TNFRSF12A: variants seen among roughly 807,000 people sequenced by gnomAD.
TNFRSF12A encodes the protein tumor necrosis factor receptor superfamily member 12A.
Under a neutral mutation model 15.5 loss-of-function variants are expected in TNFRSF12A, and 13 were observed. The ratio of observed to expected loss-of-function variants is 0.84; its 90% CI spans 0.54 to 1.33. The LOEUF is 1.33. Among genes scored for constraint, TNFRSF12A ranks in the 40% most tolerant of loss-of-function variants. The probability of loss-of-function intolerance (pLI) is 0.00; values close to 1 mark genes in which losing one functional copy is unlikely to be tolerated. For missense variants in TNFRSF12A, 174 were observed against 173.6 expected, an observed-to-expected ratio of 1.00 and a Z score of -0.01; for synonymous variants, 89 against 78.4, an observed-to-expected ratio of 1.14 and a Z score of -0.71.
intron 1 of TNFRSF12A, 119 bp from the exon 2 acceptor site, chr16:3,021,096 T>G: frequency 1.8e-6 from 1 of 571,290 alleles, no homozygotes; most frequent in South Asian, 2.3e-5. Flanking sequence ...CGGTCACCTG[T>G]GAGGAATGCG....
In TNFRSF12A at chr16:3,022,175, CCACT is replaced by C. The variant is rs2072620370; in HGVS notation, c.*356_*359del. ...TGGGGGGCAGACTTGACACTAGGCC[CCACT>C]CACTCAGATGTCCTGAAATTCCACC... On this transcript the variant is annotated 3_prime_UTR_variant, in exon 4 of 4. Coordinates refer to ENST00000326577, the MANE Select transcript of TNFRSF12A (RefSeq NM_016639.3). 4.7e-6 allele frequency: 2 copies of C among 423,136 alleles called. No homozygotes were observed. The highest frequency in any genetic ancestry group is 4.2e-6 in the Non-Finnish European group (1 of 240,402). The allele number at this position is 423,136 out of a possible 1,614,324, so 26.2% of individuals were successfully genotyped here.
Position 3,020,430 on chromosome 16 carries a change from G to T in TNFRSF12A, c.33G>T (p.Arg11=). The change falls in exon 1 of 4, where the codon CGG becomes CGT. Residue 11 remains arginine (R), a synonymous_variant. Transcript: ENST00000326577. The part of the protein sequence containing the change: MARGSLRRLL[R]LLVLGLWLAL... ...GGGGCTCGCTGCGCCGGTTGCTGCG[G>T]CTCCTCGTGCTGGGGCTCTGGCTGG... 7.7e-7 allele frequency: 1 copy of T among 1,293,182 alleles called. No homozygotes were observed. Among genetic ancestry groups the T allele is most frequent in the Non-Finnish European group, 9.8e-7 (1 of 1,019,718 alleles). 80.1% of individuals were successfully genotyped at this position (1,293,182 alleles called of 1,614,324 possible).
Position 3,021,276 on chromosome 16 carries a change from C to A in TNFRSF12A, c.156C>A (p.Cys52Ter). ...CGGACCTGGACAAGTGCATGGACTG[C>A]GCGTCTTGCAGGGCGCGACCGCACA... ...WSADLDKCMD[C>*]ASCRARPHSD... The change falls in exon 2 of 4, where the codon TGC becomes TGA. Residue 52 changes from cysteine to a stop codon, truncating the protein, a stop_gained. Coordinates refer to ENST00000326577, the MANE Select transcript of TNFRSF12A (RefSeq NM_016639.3). LOFTEE classifies it high-confidence loss of function. 1 of 1,591,524 alleles carries A rather than the reference C, an allele frequency of 6.3e-7. No homozygotes were observed. Among genetic ancestry groups the A allele is most frequent in the Non-Finnish European group, 8.5e-7 (1 of 1,173,996 alleles).
rs944090677 is a variant in TNFRSF12A, at chr16:3,020,374, A to C, written c.-24A>C. 3.1e-6 allele frequency: 4 copies of C among 1,270,202 alleles called. No individual in the cohort carries two copies. Among genetic ancestry groups the C allele is most frequent in the Non-Finnish European group, 3.0e-6 (3 of 1,006,768 alleles). The allele number at this position is 1,270,202 out of a possible 1,614,324, so 78.7% of individuals were successfully genotyped here. A position where few individuals can be genotyped will look rare whatever the true frequency, so the allele number is the denominator to read the frequency against. ...CTGCCGGCCGGCGGCGGGCGCAGACAGCGGCGGGCGCAGGACGTGCACTAT... is the reference window on the plus strand; with the variant it reads ...CTGCCGGCCGGCGGCGGGCGCAGACCGCGGCGGGCGCAGGACGTGCACTAT... On this transcript the variant is annotated 5_prime_UTR_variant, in exon 1 of 4. Transcript: ENST00000326577.
intron 1 of TNFRSF12A, chr16:3,020,951 CTG>C: frequency 2.1e-6 from 1 of 477,886 alleles, no homozygotes; most frequent in Non-Finnish European, 3.7e-6. Context: ...GGGGGAGGGA[CTG>C]GGGTCGGGCC....
chr16:3,020,779 T>G, intron 1 of TNFRSF12A: 1 of 399,650 alleles, frequency 2.5e-6, no homozygotes. Flanking sequence ...GGCGGGATGT[T>G]TAGTCTAGGA....
In TNFRSF12A at chr16:3,022,164, G is replaced by C; in HGVS notation, c.*338G>C. ...CCAGGCTGACTTGGGGGGCAGACTT[G>C]ACACTAGGCCCCACTCACTCAGATG... On this transcript the variant is annotated 3_prime_UTR_variant, in exon 4 of 4. Coordinates refer to ENST00000326577, the MANE Select transcript of TNFRSF12A (RefSeq NM_016639.3). 2.3e-6 allele frequency: 1 copy of C among 436,762 alleles called. No individual in the cohort carries two copies. The highest frequency in any genetic ancestry group is 5.9e-5 in the South Asian group (1 of 17,058). 27.1% of individuals were successfully genotyped at this position (436,762 alleles called of 1,614,324 possible). A position where few individuals can be genotyped will look rare whatever the true frequency, so the allele number is the denominator to read the frequency against.
In TNFRSF12A at chr16:3,021,653, G is replaced by A. The variant is rs148756180; in HGVS notation, c.298G>A (p.Val100Ile). 2.7e-5 allele frequency: 44 copies of A among 1,613,790 alleles called. No homozygotes were observed. The African/African-American group carries it at 5.2e-4, about 19-fold the overall frequency. Residue 100 changes from valine to isoleucine, a missense_variant, in exon 3 of 4, where the codon GTC (valine) becomes ATC (isoleucine). By Grantham distance (29) the Val-to-Ile change is conservative (BLOSUM62 3). Transcript: ENST00000326577. The part of the protein sequence containing the change: ...FVLGLLSGFL[V>I]WRRCRRREKF... ...GCTGGGGCTGCTTTCTGGCTTTTTG[G>A]TCTGGAGACGATGCCGCAGGAGAGA...
At position 3,022,294 on chromosome 16, in the gene TNFRSF12A, C is replaced by T. The variant is rs1179583257; in HGVS notation, c.*468C>T. ...GCTGGCCCTAAGATACAGACCCCCC[C>T]AACTCCCCAAAGCGGGGAGGAGATA... On this transcript the variant is annotated 3_prime_UTR_variant, in exon 4 of 4. Transcript: ENST00000326577. 3.6e-6 allele frequency: 1 copy of T among 278,864 alleles called. No homozygotes were observed. Among genetic ancestry groups the T allele is most frequent in the East Asian group, 6.1e-5 (1 of 16,528 alleles). 17.3% of individuals were successfully genotyped at this position (278,864 alleles called of 1,614,324 possible).
rs905466860 is a variant in TNFRSF12A, at chr16:3,022,218, T to TG, written c.*398dup. On this transcript the variant is annotated 3_prime_UTR_variant, in exon 4 of 4. Coordinates refer to ENST00000326577, the MANE Select transcript of TNFRSF12A (RefSeq NM_016639.3). ...TGAAATTCCACCACGGGGGTCACCC[T>TG]GGGGGGTTAGGGACCTATTTTTAAC... 106 of 384,650 alleles carry TG rather than the reference T, an allele frequency of 2.8e-4. No homozygotes were observed. In the Middle Eastern group the frequency reaches 3.2e-3, roughly 12 times the overall value. The allele number at this position is 384,650 out of a possible 1,614,324, so 23.8% of individuals were successfully genotyped here.
At chr16:3,021,005 G>A in intron 1 of TNFRSF12A, 1 of 495,908 alleles carries the variant, frequency 2.0e-6, no homozygotes, top group South Asian at 3.2e-5. Flanking sequence ...CAGGGGGGTT[G>A]TGGGGACCTG....
In TNFRSF12A at chr16:3,021,835, C is replaced by G. The variant is rs755839098; in HGVS notation, c.*9C>G. On this transcript the variant is annotated 3_prime_UTR_variant, in exon 4 of 4. Coordinates refer to ENST00000326577, the MANE Select transcript of TNFRSF12A (RefSeq NM_016639.3). ...TGGCGCTGATCCAGTGACAATGTGCCCCCTGCCAGCCGGGGCTCGCCCACT... is the reference window on the plus strand; with the variant it reads ...TGGCGCTGATCCAGTGACAATGTGCGCCCTGCCAGCCGGGGCTCGCCCACT... The G allele has an allele frequency of 1.3e-5, 21 of 1,611,942 alleles. No homozygotes were observed. Among genetic ancestry groups the G allele is most frequent in the Admixed American group, 5.0e-5 (3 of 59,858 alleles).
intron 1 of TNFRSF12A, 109 bp from the exon 2 acceptor site, chr16:3,021,106 G>C: frequency 1.7e-6 from 1 of 589,722 alleles, no homozygotes; most frequent in Non-Finnish European, 2.9e-6. Context: ...TGAGGAATGC[G>C]CGGGGAGGGC....
intron 1 of TNFRSF12A, chr16:3,020,858 C>A (rs2072603584): frequency 4.9e-6 from 2 of 407,112 alleles, no homozygotes; most frequent in Non-Finnish European, 8.6e-6. Context: ...TTGGGGAGGC[C>A]GTCGAGAGGC....
At chr16:3,020,792 G>A in intron 1 of TNFRSF12A, 2 of 400,150 alleles carry the variant, frequency 5.0e-6, no homozygotes, top group Non-Finnish European at 8.8e-6. Flanking sequence ...GTCTAGGAAG[G>A]GGCACGCCCC....
chr16:3,021,436 G>T, intron 2 of TNFRSF12A, 117 bp downstream of exon 2: 1 of 1,419,842 alleles, frequency 7.0e-7, no homozygotes, highest in Non-Finnish European at 9.3e-7. Flanking sequence ...GGAGGTGGGA[G>T]CTGGGAGGGG....
intron 2 of TNFRSF12A, 29 bp downstream of exon 2, chr16:3,021,348 C>T: frequency 1.3e-6 from 2 of 1,526,428 alleles, no homozygotes; most frequent in Non-Finnish European, 1.8e-6. Flanking sequence ...CAGTGGCCAG[C>T]GGACCCCAGA....
intron 2 of TNFRSF12A, 92 bp from the exon 3 acceptor site, chr16:3,021,463 A>G: frequency 6.9e-7 from 1 of 1,445,696 alleles, no homozygotes; most frequent in Middle Eastern, 2.2e-4. Context: ...GTCAGGGAGG[A>G]GGCCACGTTT....
intron 2 of TNFRSF12A, 21 bp downstream of exon 2, chr16:3,021,340 G>C (rs1473313510): frequency 1.3e-6 from 2 of 1,542,062 alleles, no homozygotes; most frequent in Non-Finnish European, 1.7e-6. Context: ...GGCAGGGCCA[G>C]TGGCCAGCGG....
Sources: gnomAD v4.1 joint callset for allele counts on GRCh38, gnomAD v4.1.1 for gene constraint, MANE v1.5 for transcripts, NCBI Gene and HGNC (gene_info 2026-07-23, HGNC 2026-07-21) for gene names.